Variants in ZNF804A observed in about 807,000 individuals in gnomAD.
ZNF804A encodes zinc finger protein 804A.
ZNF804A carries 2 observed loss-of-function variants against 16.5 expected under a neutral mutation model. The observed-to-expected ratio is 0.12, with a 90% CI of 0.05 to 0.38. The LOEUF (loss-of-function observed/expected upper bound fraction) is 0.38, where lower values mean the gene tolerates loss of function less well. Ranked by LOEUF, ZNF804A falls within the 10% of genes least tolerant of loss-of-function variation. The probability of loss-of-function intolerance (pLI) is 0.99; values close to 1 mark genes in which losing one functional copy is unlikely to be tolerated. For missense variants in ZNF804A, 1,473 were observed against 1,390.7 expected, an observed-to-expected ratio of 1.06 and a Z score of -0.94; for synonymous variants, 534 against 489.6, an observed-to-expected ratio of 1.09 and a Z score of -1.20.
chr2:184,850,160 A>G (rs1283132133), intron 1 of ZNF804A, among the ~76,000 whole-genome samples: 1 of 151,852 alleles, frequency 6.6e-6, no homozygotes, highest in Non-Finnish European at 1.5e-5. Flanking sequence ...TTGATAGCAC[A>G]ACAGGATGAC....
rs1012242252 is a variant in ZNF804A, at chr2:184,605,352, C to A, written c.111+6282C>A. The stretch of plus-strand genomic sequence containing the variant: ...AATATAATTGTGTTAGTTTCTCTTC[C>A]TAAAAATTTTAACCTAAACCATTTG... On this transcript the variant is annotated intron_variant, in intron 1 of 3. Coordinates refer to ENST00000302277, the MANE Select transcript of ZNF804A (RefSeq NM_194250.2). Among the ~76,000 whole-genome samples, 3 of 151,930 alleles carry A rather than the reference C, an allele frequency of 2.0e-5. No individual in the cohort carries two copies. The South Asian group carries it at 6.2e-4, about 31-fold the overall frequency.
chr2:184,937,150 C>T lies in ZNF804A; in HGVS notation c.1754C>T (p.Thr585Ile). ...TACAACAAAATAAGGTTGAAAGAGACCCATGAATACTGGTTCCATAAAAGT... is the reference window on the plus strand; with the variant it reads ...TACAACAAAATAAGGTTGAAAGAGATCCATGAATACTGGTTCCATAAAAGT... Reference protein sequence around the residue: ...EKYNKIRLKETHEYWFHKSRR... With the variant: ...EKYNKIRLKEIHEYWFHKSRR... The change falls in exon 4 of 4, where the codon ACC becomes ATC. Residue 585 changes from threonine (T) to isoleucine (I), a missense_variant. Coordinates refer to ENST00000302277, the MANE Select transcript of ZNF804A (RefSeq NM_194250.2). 6.2e-7 allele frequency: 1 copy of T among 1,603,032 alleles called. No individual in the cohort carries two copies. Among genetic ancestry groups the T allele is most frequent in the South Asian group, 1.1e-5 (1 of 89,012 alleles).
chr2:184,878,506 A>T (rs1684752398), intron 2 of ZNF804A, among the ~76,000 whole-genome samples: 1 of 152,090 alleles, frequency 6.6e-6, no homozygotes, highest in African/African-American at 2.4e-5. Context: ...AAAAGGACTT[A>T]TAAGCCATCT....
rs528908393 is a variant in ZNF804A at position 184,707,505 on chromosome 2, T to C, written c.111+108435T>C. 4.6e-5 allele frequency among the ~76,000 whole-genome samples: 7 copies of C among 152,236 alleles called. No individual in the cohort carries two copies. The East Asian group carries it at 1.4e-3, about 29-fold the overall frequency. ...CATCTTTATGTCCATGTTTACCCAA[T>C]GTTTAGCTCCCACTTATAAGTGAGA... On this transcript the variant is annotated intron_variant, in intron 1 of 3. Coordinates refer to ENST00000302277, the MANE Select transcript of ZNF804A (RefSeq NM_194250.2).
chr2:184,699,240 T>C (rs1574168630), intron 1 of ZNF804A, among the ~76,000 whole-genome samples: 1 of 152,114 alleles, frequency 6.6e-6, no homozygotes, highest in Non-Finnish European at 1.5e-5. Context: ...CTAAATAGAA[T>C]TACCAAATAT....
At chr2:184,607,905 A>T (rs2105669403) in intron 1 of ZNF804A, among the ~76,000 whole-genome samples, 1 of 146,108 alleles carries the variant, frequency 6.8e-6, no homozygotes. Context: ...AACAAGGTTA[A>T]CTGCACACCA....
At chr2:184,762,898 G>T (rs998036933) in intron 1 of ZNF804A, among the ~76,000 whole-genome samples, 1 of 152,084 alleles carries the variant, frequency 6.6e-6, no homozygotes, top group East Asian at 1.9e-4. Context: ...GCTTATAGTT[G>T]TAAGGAGGAC....
Position 184,723,646 on chromosome 2 carries a change from G to T in ZNF804A, c.111+124576G>T, listed in dbSNP as rs569816856. Among the ~76,000 whole-genome samples the T allele has an allele frequency of 3.3e-5, 5 of 151,724 alleles. No homozygotes were observed. In the South Asian group the frequency reaches 1.0e-3, roughly 31 times the overall value. ...TTTAATGAAAACATTTTTTAAGTAA[G>T]CTCTTTATTTCAGTTAAGTATTGGC... On this transcript the variant is annotated intron_variant, in intron 1 of 3. Coordinates refer to ENST00000302277, the MANE Select transcript of ZNF804A (RefSeq NM_194250.2).
At chr2:184,672,662 A>G (rs1483803254) in intron 1 of ZNF804A, among the ~76,000 whole-genome samples, 4 of 152,170 alleles carry the variant, frequency 2.6e-5, no homozygotes, top group Non-Finnish European at 4.4e-5. Context: ...TTGTGAGAAC[A>G]AGAATGACTT....
At chr2:184,849,473 A>G (rs1177149930) in intron 1 of ZNF804A, among the ~76,000 whole-genome samples, 2 of 152,074 alleles carry the variant, frequency 1.3e-5, no homozygotes, top group African/African-American at 4.8e-5. Flanking sequence ...TGCTAGTATT[A>G]TATGAAAAAA....
At chr2:184,923,427 C>T (rs1478822870) in intron 2 of ZNF804A, among the ~76,000 whole-genome samples, 3 of 151,808 alleles carry the variant, frequency 2.0e-5, no homozygotes, top group Non-Finnish European at 2.9e-5. Flanking sequence ...ATTTGTTCAT[C>T]AGCTCTAAAA....
At chr2:184,931,196 A>G (rs1177668824) in intron 2 of ZNF804A, among the ~76,000 whole-genome samples, 1 of 152,198 alleles carries the variant, frequency 6.6e-6, no homozygotes, top group Non-Finnish European at 1.5e-5. Flanking sequence ...TGGATCTACC[A>G]TTCTGCTGTC....
chr2:184,881,566 C>T (rs1684810633), intron 2 of ZNF804A, among the ~76,000 whole-genome samples: 1 of 152,004 alleles, frequency 6.6e-6, no homozygotes, highest in Non-Finnish European at 1.5e-5. Context: ...AGGCTAATAG[C>T]AAAATTGTCA....
At chr2:184,678,369 TA>T (rs1692475435) in intron 1 of ZNF804A, among the ~76,000 whole-genome samples, 1 of 152,134 alleles carries the variant, frequency 6.6e-6, no homozygotes, top group South Asian at 2.1e-4. Context: ...AAGTTTAATA[TA>T]GGAATGATTT....
intron 1 of ZNF804A, among the ~76,000 whole-genome samples, chr2:184,643,009 C>T (rs1490338459): frequency 6.6e-6 from 1 of 151,952 alleles, no homozygotes; most frequent in Non-Finnish European, 1.5e-5. Flanking sequence ...TACAGCTTCT[C>T]TAATAAATAC....
intron 1 of ZNF804A, among the ~76,000 whole-genome samples, chr2:184,600,181 T>C (rs1178970514): frequency 6.6e-6 from 1 of 152,158 alleles, no homozygotes; most frequent in African/African-American, 2.4e-5. Context: ...TTGATCGAAT[T>C]TTCTTTATGT....
At chr2:184,810,737 A>T (rs1694886487) in intron 1 of ZNF804A, among the ~76,000 whole-genome samples, 2 of 151,928 alleles carry the variant, frequency 1.3e-5, no homozygotes, top group East Asian at 2.0e-4. Context: ...TGACCTGCCC[A>T]CCTCGGCCTC....
chr2:184,637,014 A>G (rs1033308564), intron 1 of ZNF804A, among the ~76,000 whole-genome samples: 1 of 152,168 alleles, frequency 6.6e-6, no homozygotes, highest in African/African-American at 2.4e-5. Flanking sequence ...TGTTGTGTAG[A>G]AGATTTTTAA....
intron 1 of ZNF804A, among the ~76,000 whole-genome samples, chr2:184,725,041 A>C (rs977698015): frequency 4.0e-5 from 6 of 151,684 alleles, no homozygotes; most frequent in African/African-American, 1.4e-4. Context: ...TTATTTTTTG[A>C]GAATTAAGGC....
Sources: gnomAD v4.1 joint callset for allele counts (sites outside exome capture counted in the v4.1 genomes callset) on GRCh38, gnomAD v4.1.1 for gene constraint, MANE v1.5 for transcripts, NCBI Gene and HGNC (gene_info 2026-07-23, HGNC 2026-07-21) for gene names.